Variants in SEMA3E observed in about 807,000 individuals in gnomAD.
The protein encoded by SEMA3E is semaphorin-3E.
In SEMA3E, 49 loss-of-function variants were observed where a neutral mutation model predicts 93.6. That is an observed-to-expected ratio of 0.52 (90% CI 0.42 to 0.66). The LOEUF (loss-of-function observed/expected upper bound fraction) is 0.66, where lower values mean the gene tolerates loss of function less well. Ranked by LOEUF, SEMA3E falls within the 30% of genes least tolerant of loss-of-function variation. The probability of loss-of-function intolerance (pLI) is 0.00; values close to 1 mark genes in which losing one functional copy is unlikely to be tolerated. For missense variants in SEMA3E, 906 were observed against 964.8 expected, an observed-to-expected ratio of 0.94 and a Z score of 0.81; for synonymous variants, 363 against 330.7, an observed-to-expected ratio of 1.10 and a Z score of -1.06.
chr7:83,495,132 G>T (rs565018635), intron 1 of SEMA3E, among the ~76,000 whole-genome samples: 41 of 151,842 alleles, frequency 2.7e-4, no homozygotes, highest in African/African-American at 9.4e-4. Context: ...GCCTGCTGTC[G>T]ATAGCTTTTC....
intron 1 of SEMA3E, among the ~76,000 whole-genome samples, chr7:83,549,457 A>T (rs1252318146): frequency 6.6e-6 from 1 of 152,072 alleles, no homozygotes; most frequent in Non-Finnish European, 1.5e-5. Flanking sequence ...TCCTTTACAC[A>T]CAAACATGGC....
chr7:83,467,219 C>T (rs1369036080), intron 3 of SEMA3E, among the ~76,000 whole-genome samples: 1 of 152,122 alleles, frequency 6.6e-6, no homozygotes, highest in Non-Finnish European at 1.5e-5. Context: ...CATGTGCCAC[C>T]ATGCCCAGCT....
At chr7:83,591,195 T>G (rs981553558) in intron 1 of SEMA3E, among the ~76,000 whole-genome samples, 3 of 150,702 alleles carry the variant, frequency 2.0e-5, no homozygotes, top group Non-Finnish European at 4.4e-5. Flanking sequence ...ATTTACAAAA[T>G]TTAGATAAGC....
chr7:83,480,165 G>A (rs1158181581), intron 2 of SEMA3E, among the ~76,000 whole-genome samples: 4 of 152,134 alleles, frequency 2.6e-5, no homozygotes, highest in Admixed American at 2.0e-4. Context: ...TATAGGCTGG[G>A]CACAGTGGCT....
chr7:83,605,382 G>A (rs1252025818), intron 1 of SEMA3E, among the ~76,000 whole-genome samples: 3 of 151,188 alleles, frequency 2.0e-5, no homozygotes, highest in African/African-American at 7.3e-5. Flanking sequence ...CTAATGACCA[G>A]TGATGCTGAG....
intron 4 of SEMA3E, among the ~76,000 whole-genome samples, chr7:83,458,969 G>C (rs1017219230): frequency 6.9e-5 from 6 of 86,604 alleles, no homozygotes; most frequent in African/African-American, 8.8e-5. Flanking sequence ...GTGTGTGTGT[G>C]TGTGTATATA....
At chr7:83,510,351 A>G (rs947617273) in intron 1 of SEMA3E, among the ~76,000 whole-genome samples, 2 of 152,208 alleles carry the variant, frequency 1.3e-5, no homozygotes, top group African/African-American at 4.8e-5. Context: ...CTTTTGGTCT[A>G]TATCTTTTCA....
intron 1 of SEMA3E, among the ~76,000 whole-genome samples, chr7:83,604,604 T>C (rs1049912259): frequency 4.6e-5 from 7 of 151,118 alleles, no homozygotes; most frequent in African/African-American, 7.3e-5. Context: ...CACACACACA[T>C]ATATATATGT....
At chr7:83,422,938 T>C (rs1788698611) in intron 4 of SEMA3E, among the ~76,000 whole-genome samples, 1 of 152,218 alleles carries the variant, frequency 6.6e-6, no homozygotes, top group South Asian at 2.1e-4. Flanking sequence ...CACAATTTCA[T>C]AGAAAAGTTA....
At chr7:83,623,517 A>G (rs73382725) in intron 1 of SEMA3E, among the ~76,000 whole-genome samples, 1,922 of 152,164 alleles carry the variant, frequency 0.013, 45 homozygotes, top group African/African-American at 0.044. Flanking sequence ...AGTATACGTT[A>G]TGATTTTAGG....
At chr7:83,544,167 GT>G (rs1791596365) in intron 1 of SEMA3E, among the ~76,000 whole-genome samples, 1 of 152,016 alleles carries the variant, frequency 6.6e-6, no homozygotes, top group African/African-American at 2.4e-5. Context: ...CTATTTGTGG[GT>G]TTTTAATGGC....
chr7:83,448,864 A>G (rs1052417527), intron 4 of SEMA3E, among the ~76,000 whole-genome samples: 3 of 152,172 alleles, frequency 2.0e-5, no homozygotes, highest in African/African-American at 4.8e-5. Flanking sequence ...AAGTTCATAC[A>G]TAGAAAGCCT....
Position 83,517,905 on chromosome 7 carries a change from G to A in SEMA3E, c.116-27631C>T, listed in dbSNP as rs1329388812. 2.6e-5 allele frequency among the ~76,000 whole-genome samples: 4 copies of A among 152,276 alleles called. No individual in the cohort carries two copies. The East Asian group carries it at 7.7e-4, about 29-fold the overall frequency. The stretch of plus-strand genomic sequence containing the variant: ...GTAGATGATAATGTGTCTACACAGT[G>A]GTAGCAAATGAGGACCATGGTGGAG... On this transcript the variant is annotated intron_variant, in intron 1 of 16. Coordinates refer to ENST00000643230, the MANE Select transcript of SEMA3E (RefSeq NM_012431.3).
At chr7:83,539,296 G>T in intron 1 of SEMA3E, among the ~76,000 whole-genome samples, 1 of 151,824 alleles carries the variant, frequency 6.6e-6, no homozygotes, top group East Asian at 1.9e-4. Context: ...ACGGTGCTTG[G>T]TATCCCCGAG....
At position 83,485,694 on chromosome 7, in the gene SEMA3E, A is replaced by G. The variant is rs140857564; in HGVS notation, c.276+4420T>C. 4.3e-4 allele frequency among the ~76,000 whole-genome samples: 65 copies of G among 152,304 alleles called. 3 individuals are homozygous for G. In the East Asian group the frequency reaches 9.4e-3, roughly 22 times the overall value. ...ACTGTATGGGAAAATATATAATAAA[A>G]TAATTTTTAAAAATGAAAACAAGAA... On this transcript the variant is annotated intron_variant, in intron 2 of 16. Coordinates refer to ENST00000643230, the MANE Select transcript of SEMA3E (RefSeq NM_012431.3).
rs184768780 is a variant in SEMA3E at position 83,440,757 on chromosome 7, G to T, written c.457-22274C>A. On this transcript the variant is annotated intron_variant, in intron 4 of 16. Transcript: ENST00000643230. ...GTGGAGGTTGCAGTGAGCTGAGATT[G>T]TGCCACTGCACTCCAGCCTGAGTGA... Among the ~76,000 whole-genome samples the T allele has an allele frequency of 7.9e-4, 116 of 146,848 alleles. 1 individual carries two copies. The highest frequency in any genetic ancestry group is 2.7e-3 in the African/African-American group (106 of 39,726).
intron 1 of SEMA3E, among the ~76,000 whole-genome samples, chr7:83,645,556 C>T (rs1028084022): frequency 6.6e-6 from 1 of 151,948 alleles, no homozygotes; most frequent in Admixed American, 6.6e-5. Flanking sequence ...TCATTTTATC[C>T]ACCAGGCTTG....
chr7:83,492,252 G>A (rs1287827291), intron 1 of SEMA3E, among the ~76,000 whole-genome samples: 1 of 151,848 alleles, frequency 6.6e-6, no homozygotes, highest in Non-Finnish European at 1.5e-5. Context: ...CAATTATGAG[G>A]GATTTTAGTA....
intron 4 of SEMA3E, among the ~76,000 whole-genome samples, chr7:83,437,748 C>G (rs1214940472): frequency 6.6e-6 from 1 of 152,124 alleles, no homozygotes; most frequent in East Asian, 1.9e-4. Context: ...AACAAGTGCT[C>G]CTTGGAGAAG....
Sources: allele counts gnomAD v4.1 joint callset (sites outside exome capture counted in the v4.1 genomes callset), GRCh38; gene constraint gnomAD v4.1.1; transcripts MANE v1.5; gene names NCBI Gene and HGNC (gene_info 2026-07-23, HGNC 2026-07-21).